The following STARD9 variants were observed in gnomAD, a reference collection of about 807,000 sequenced individuals.
STARD9 encodes the protein StAR related lipid transfer domain containing 9.
A neutral mutation model predicts 399.8 loss-of-function variants in STARD9; 346 were observed. The ratio of observed to expected loss-of-function variants is 0.87; its 90% CI spans 0.79 to 0.95. STARD9 has a LOEUF of 0.95. STARD9 is among the 40% of genes least tolerant of loss of function. The pLI, the probability that STARD9 is intolerant of heterozygous loss-of-function variation, is 0.00. For missense variants in STARD9, 5,832 were observed against 5,667.5 expected, an observed-to-expected ratio of 1.03 and a Z score of -0.93; for synonymous variants, 2,203 against 2,143.5, an observed-to-expected ratio of 1.03 and a Z score of -0.77.
intron 3 of STARD9, among the ~76,000 whole-genome samples, chr15:42,627,612 G>T (rs2059252046): frequency 6.6e-6 from 1 of 152,074 alleles, no homozygotes; most frequent in African/African-American, 2.4e-5. Context: ...GCCCTTCCCA[G>T]CCTCTGGTAA....
At chr15:42,607,452 C>A (rs2058754683) in intron 3 of STARD9, among the ~76,000 whole-genome samples, 1 of 151,828 alleles carries the variant, frequency 6.6e-6, no homozygotes, top group Non-Finnish European at 1.5e-5. Flanking sequence ...ATCTGCCCAC[C>A]TCACCCTCCC....
At chr15:42,666,529 G>C (rs1401691711) in intron 15 of STARD9, among the ~76,000 whole-genome samples, 2 of 152,214 alleles carry the variant, frequency 1.3e-5, no homozygotes, top group Non-Finnish European at 2.9e-5. Context: ...AAGCTGGTTA[G>C]AATGGGTGTT....
Position 42,690,304 on chromosome 15 carries a change from C to T in STARD9, c.8726C>T (p.Pro2909Leu), listed in dbSNP as rs1200723402. The change falls in exon 23 of 33, where the codon CCT becomes CTT. Residue 2909 changes from proline (P) to leucine (L), a missense_variant. Coordinates refer to ENST00000290607, the MANE Select transcript of STARD9 (RefSeq NM_020759.3). ...PLPDQRPSAN[P>L]GGIGEEAPCR... ...CCAGATCAAAGACCAAGCGCAAATC[C>T]TGGGGGAATTGGGGAGGAAGCCCCA... 6.5e-7 allele frequency: 1 copy of T among 1,537,282 alleles called. No individual in the cohort carries two copies. The highest frequency in any genetic ancestry group is 8.7e-7 in the Non-Finnish European group (1 of 1,146,906).
chr15:42,682,475 G>C lies in STARD9; in HGVS notation c.2437G>C (p.Asp813His). 1 of 1,537,200 alleles carries C rather than the reference G, an allele frequency of 6.5e-7. No individual in the cohort carries two copies. The highest frequency in any genetic ancestry group is 8.7e-7 in the Non-Finnish European group (1 of 1,146,892). Residue 813 changes from aspartate (D) to histidine (H), a missense_variant, in exon 22 of 33, where the codon GAT becomes CAT. Around this residue, in one of 2 missense-constraint regions of STARD9, gnomAD observed 5,828 missense variants for 5,651.1 expected, o/e 1.03. Coordinates refer to ENST00000290607, the MANE Select transcript of STARD9 (RefSeq NM_020759.3). ...GCCCCCATACCAGGTCCTCAGCCCTGATGCCACAGTCCCACGGCCTCCATG... is the reference window on the plus strand; with the variant it reads ...GCCCCCATACCAGGTCCTCAGCCCTCATGCCACAGTCCCACGGCCTCCATG... ...QEPPYQVLSP[D>H]ATVPRPPCRS...
chr15:42,652,946 G>T (rs2059793296), intron 9 of STARD9, among the ~76,000 whole-genome samples: 2 of 152,146 alleles, frequency 1.3e-5, no homozygotes, highest in Non-Finnish European at 2.9e-5. Context: ...CCTAAGTGCT[G>T]GCATTACAGA....
intron 6 of STARD9, 171 bp downstream of exon 6, chr15:42,638,258 T>C (rs763279369): frequency 6.2e-6 from 4 of 649,982 alleles, no homozygotes; most frequent in African/African-American, 1.8e-5. Flanking sequence ...CCCTTGGTTG[T>C]AGGAAACTTA....
chr15:42,666,403 A>T (rs1222169374), intron 15 of STARD9, among the ~76,000 whole-genome samples: 1 of 152,172 alleles, frequency 6.6e-6, no homozygotes, highest in African/African-American at 2.4e-5. Context: ...GGGTTGTTAC[A>T]TAGGGAGAAG....
chr15:42,578,859 A>G (rs2058110495), intron 1 of STARD9, among the ~76,000 whole-genome samples: 1 of 152,196 alleles, frequency 6.6e-6, no homozygotes, highest in Admixed American at 6.5e-5. Context: ...AAACAGAACA[A>G]AGTTCTGCAG....
chr15:42,624,060 A>G (rs1014643571), intron 3 of STARD9, among the ~76,000 whole-genome samples: 4 of 152,214 alleles, frequency 2.6e-5, no homozygotes, highest in Non-Finnish European at 5.9e-5. Flanking sequence ...TTTACCTGAC[A>G]TTTATGAAGT....
intron 1 of STARD9, among the ~76,000 whole-genome samples, chr15:42,576,539 TGTAAGGGAC>T: frequency 6.6e-6 from 1 of 152,262 alleles, no homozygotes; most frequent in African/African-American, 2.4e-5. Context: ...GGACTTAGAC[TGTAAGGGAC>T]TAACTAGAGG....
chr15:42,682,609 G>A (rs1370904889), intron 22 of STARD9, 34 bp downstream of exon 22: 22 of 1,483,126 alleles, frequency 1.5e-5, no homozygotes, highest in Non-Finnish European at 2.0e-5. Flanking sequence ...GAAGCACTCG[G>A]TTAAAGTTTA....
At position 42,618,797 on chromosome 15, in the gene STARD9, A is replaced by ATGTTGGCCAGCATGGTGTCGATC. The variant is rs576086194; in HGVS notation, c.235-16058_235-16057insGTTGGCCAGCATGGTGTCGATCT. Among the ~76,000 whole-genome samples the ATGTTGGCCAGCATGGTGTCGATC allele has an allele frequency of 9.7e-3, 1,470 of 152,032 alleles. 24 individuals carry two copies. The highest frequency in any genetic ancestry group is 0.034 in the African/African-American group (1,404 of 41,470). On this transcript the variant is annotated intron_variant, in intron 3 of 32. Coordinates refer to ENST00000290607, the MANE Select transcript of STARD9 (RefSeq NM_020759.3). ...TTTTTATTAGAGATGGGGTTTCACC[A>ATGTTGGCCAGCATGGTGTCGATC]TCTTGACCTTGTGATCCACCTGCCT...
At chr15:42,606,956 G>C (rs185468708) in intron 3 of STARD9, among the ~76,000 whole-genome samples, 2 of 151,266 alleles carry the variant, frequency 1.3e-5, no homozygotes, top group East Asian at 2.0e-4. Flanking sequence ...GTACTTCATT[G>C]ATTGATTGAT....
chr15:42,641,749 C>G (rs1177180397), intron 7 of STARD9, among the ~76,000 whole-genome samples: 2 of 152,032 alleles, frequency 1.3e-5, no homozygotes, highest in Non-Finnish European at 2.9e-5. Flanking sequence ...GGATTACAGG[C>G]ATGAGCCACC....
intron 11 of STARD9, 171 bp from the exon 12 acceptor site, chr15:42,663,110 C>T: frequency 1.3e-6 from 1 of 742,680 alleles, no homozygotes. Flanking sequence ...GTGACTCAAA[C>T]ATTCCATATC....
chr15:42,690,246 G>T lies in STARD9; in HGVS notation c.8668G>T (p.Ala2890Ser). 2 of 1,537,524 alleles carry T rather than the reference G, an allele frequency of 1.3e-6. No homozygotes were observed. Among genetic ancestry groups the T allele is most frequent in the South Asian group, 1.2e-5 (1 of 84,064 alleles). Reference sequence around the variant, plus strand: ...GTCTGGGTTGACAGAAGTCTGCAGGGCTGGCAGCAAACATTCCAGGCCAAT... The same window carrying T: ...GTCTGGGTTGACAGAAGTCTGCAGGTCTGGCAGCAAACATTCCAGGCCAAT... ...VGSGLTEVCRAGSKHSRPIPL... is the reference protein window; with the variant it reads ...VGSGLTEVCRSGSKHSRPIPL... The change falls in exon 23 of 33, where the codon GCT becomes TCT. Residue 2890 changes from alanine (A) to serine (S), a missense_variant. Around this residue, in one of 2 missense-constraint regions of STARD9, gnomAD observed 5,828 missense variants for 5,651.1 expected, o/e 1.03. Transcript: ENST00000290607.
chr15:42,648,758 T>TC (rs570255301), intron 7 of STARD9, among the ~76,000 whole-genome samples: 1 of 151,928 alleles, frequency 6.6e-6, no homozygotes, highest in South Asian at 2.1e-4. Flanking sequence ...TTCCCTTTTT[T>TC]CCCCCCTTCC....
Position 42,649,973 on chromosome 15 carries a change from T to G in STARD9, c.560-1043T>G, listed in dbSNP as rs564831619. Among the ~76,000 whole-genome samples, 13 of 151,522 alleles carry G rather than the reference T, an allele frequency of 8.6e-5. No individual in the cohort carries two copies. The East Asian group carries it at 9.7e-4, about 11-fold the overall frequency. The stretch of plus-strand genomic sequence containing the variant: ...CCTCCGCCTCCCAGGTTCAAGGGAT[T>G]CTCCTGTCTCAGCCTCCCGAGTAGC... On this transcript the variant is annotated intron_variant, in intron 7 of 32. Coordinates refer to ENST00000290607, the MANE Select transcript of STARD9 (RefSeq NM_020759.3).
chr15:42,632,457 C>T (rs997112106), intron 3 of STARD9, among the ~76,000 whole-genome samples: 6 of 152,144 alleles, frequency 3.9e-5, no homozygotes, highest in African/African-American at 1.4e-4. Flanking sequence ...GTAAGGACTT[C>T]TGCCATTTTG....
Sources: allele counts gnomAD v4.1 joint callset (sites outside exome capture counted in the v4.1 genomes callset), GRCh38; gene constraint gnomAD v4.1.1; regional missense constraint gnomAD v4.1.1; transcripts MANE v1.5; gene names NCBI Gene and HGNC (gene_info 2026-07-23, HGNC 2026-07-21).